The following CYP4V2 variants were observed in gnomAD, a reference collection of about 807,000 sequenced individuals.
The protein encoded by CYP4V2 is cytochrome P450 4V2.
CYP4V2 carries 55 observed loss-of-function variants against 60.8 expected under a neutral mutation model. That is an observed-to-expected ratio of 0.90 (90% confidence interval 0.73 to 1.13). The LOEUF is 1.13. CYP4V2 is among the 50% of genes most tolerant of loss of function. The pLI is 0.00. For missense variants in CYP4V2, 675 were observed against 662.9 expected, an observed-to-expected ratio of 1.02 and a Z score of -0.20; for synonymous variants, 239 against 236.8, an observed-to-expected ratio of 1.01 and a Z score of -0.08.
intron 8 of CYP4V2, among the ~76,000 whole-genome samples, chr4:186,207,369 A>T (rs1350442735): frequency 6.9e-6 from 1 of 145,054 alleles, no homozygotes; most frequent in Non-Finnish European, 1.5e-5. Flanking sequence ...CAGAGATTGC[A>T]CCACTGCATT....
In CYP4V2 at chr4:186,209,540, C is replaced by G. The variant is rs1394147622; in HGVS notation, c.1405+268C>G. Reference sequence around the variant, plus strand: ...AGCAGAAATTTATTTTCTCACAGTTCTGGAGGCTGGAAGTTCAAGAACAAG... The same window carrying G: ...AGCAGAAATTTATTTTCTCACAGTTGTGGAGGCTGGAAGTTCAAGAACAAG... On this transcript the variant is annotated intron_variant, in intron 10 of 10. Transcript: ENST00000378802. Among the ~76,000 whole-genome samples the G allele has an allele frequency of 2.0e-5, 3 of 152,186 alleles. No homozygotes were observed. The East Asian group carries it at 5.8e-4, about 29-fold the overall frequency.
Position 186,213,156 on chromosome 4 carries a change from A to G in CYP4V2, c.*2515A>G, listed in dbSNP as rs1736784268. The G allele has an allele frequency of 6.6e-6, 1 of 152,100 alleles. No individual in the cohort carries two copies. Among genetic ancestry groups the G allele is most frequent in the African/African-American group, 2.4e-5 (1 of 41,422 alleles). The allele number at this position is 152,100 out of a possible 1,614,324, so 9.4% of individuals were successfully genotyped here. A position where few individuals can be genotyped will look rare whatever the true frequency, so the allele number is the denominator to read the frequency against. ...GTCTTTCAGCTCCAGAATTATTGTT[A>G]CTCATATTTTAATCAGTAAGTCATT... On this transcript the variant is annotated 3_prime_UTR_variant, in exon 11 of 11. Transcript: ENST00000378802.
At chr4:186,199,587 G>C (rs1283778228) in intron 6 of CYP4V2, among the ~76,000 whole-genome samples, 2 of 152,140 alleles carry the variant, frequency 1.3e-5, no homozygotes, top group African/African-American at 4.8e-5. Flanking sequence ...AAGAATAAAG[G>C]AACAAAGATC....
chr4:186,201,032 T>C, intron 6 of CYP4V2, 125 bp from the exon 7 acceptor site: 2 of 990,258 alleles, frequency 2.0e-6, no homozygotes, highest in Middle Eastern at 3.0e-4. Context: ...GCCTATGTTG[T>C]CGAAATGTTG....
At chr4:186,199,659 AT>A (rs1561433223) in intron 6 of CYP4V2, among the ~76,000 whole-genome samples, 1 of 152,224 alleles carries the variant, frequency 6.6e-6, no homozygotes, top group Non-Finnish European at 1.5e-5. Flanking sequence ...GGCAGAGGGC[AT>A]TGATAGCAGT....
intron 8 of CYP4V2, among the ~76,000 whole-genome samples, chr4:186,206,821 C>G (rs987458847): frequency 2.0e-5 from 3 of 152,148 alleles, no homozygotes; most frequent in East Asian, 1.9e-4. Flanking sequence ...CCATCTAACA[C>G]TTTTGGCAAC....
chr4:186,200,208 A>T (rs1386138770), intron 6 of CYP4V2, among the ~76,000 whole-genome samples: 1 of 152,170 alleles, frequency 6.6e-6, no homozygotes, highest in Non-Finnish European at 1.5e-5. Flanking sequence ...CACCAAGAAT[A>T]AAAAAAGACA....
intron 4 of CYP4V2, 40 bp from the exon 5 acceptor site, chr4:186,197,493 T>C: frequency 6.3e-7 from 1 of 1,593,364 alleles, no homozygotes; most frequent in South Asian, 1.1e-5. Flanking sequence ...ATAACTAACG[T>C]GCGTGAATTG....
At position 186,197,021 on chromosome 4, in the gene CYP4V2, CATGA is replaced by C. The variant is rs746484929; in HGVS notation, c.501_504del (p.Glu168LysfsTer29). 2.5e-6 allele frequency: 4 copies of C among 1,613,794 alleles called. No individual in the cohort carries two copies. In the African/African-American group the frequency reaches 5.3e-5, roughly 22 times the overall value. The stretch of plus-strand genomic sequence containing the variant: ...CCATTCTGGAAGATTTCTTAGATAT[CATGA>C]ATGAACAAGCAAATATATTGGTTAA... On this transcript the variant is annotated frameshift_variant, in exon 4 of 11. Transcript: ENST00000378802. LOFTEE classifies it high-confidence loss of function.
At chr4:186,194,409 T>C in intron 1 of CYP4V2, 91 bp from the exon 2 acceptor site, 1 of 1,072,124 alleles carries the variant, frequency 9.3e-7, no homozygotes, top group Non-Finnish European at 1.4e-6. Flanking sequence ...AGAATTAGTA[T>C]ATTCATCAAA....
In CYP4V2 at chr4:186,195,729, C is replaced by T. The variant is rs559615742; in HGVS notation, c.328-274C>T. Reference sequence around the variant, plus strand: ...CTGTCCCCCTCCCCACATTAAATAACTCCACTTGGTTCCTGGTTTATGGCG... The same window carrying T: ...CTGTCCCCCTCCCCACATTAAATAATTCCACTTGGTTCCTGGTTTATGGCG... On this transcript the variant is annotated intron_variant, in intron 2 of 10. Transcript: ENST00000378802. This position sits in a 1 kb window ranked among gnomAD's most constrained non-coding sequence, Gnocchi z 4.1. Among the ~76,000 whole-genome samples, 1 of 152,310 alleles carries T rather than the reference C, an allele frequency of 6.6e-6. No homozygotes were observed. Among genetic ancestry groups the T allele is most frequent in the South Asian group, 2.1e-4 (1 of 4,826 alleles).
Position 186,209,085 on chromosome 4 carries a change from C to T in CYP4V2, c.1226-8C>T, listed in dbSNP as rs777804916. 4 of 1,614,150 alleles carry T rather than the reference C, an allele frequency of 2.5e-6. No individual in the cohort carries two copies. Among genetic ancestry groups the T allele is most frequent in the Non-Finnish European group, 3.4e-6 (4 of 1,180,032 alleles). Reference sequence around the variant, plus strand: ...CGGTCTCATAATGTATTGACTACTTCTTGACAGCAGGTTACAGAGTTCTAA... The same window carrying T: ...CGGTCTCATAATGTATTGACTACTTTTTGACAGCAGGTTACAGAGTTCTAA... On this transcript the variant is annotated splice_polypyrimidine_tract_variant and splice_region_variant and intron_variant, in intron 9 of 10. Transcript: ENST00000378802.
At chr4:186,203,262 G>A (rs1191591558) in intron 7 of CYP4V2, 1 of 152,336 alleles carries the variant, frequency 6.6e-6, no homozygotes, top group African/African-American at 2.4e-5. Flanking sequence ...ATCAGAACCA[G>A]ACTAATGATT....
chr4:186,208,808 C>G (rs1579976329), intron 8 of CYP4V2, 57 bp from the exon 9 acceptor site: 2 of 1,612,890 alleles, frequency 1.2e-6, no homozygotes, highest in East Asian at 2.2e-5. Flanking sequence ...TTTTAGATGT[C>G]TGCACCCCCA....
Position 186,194,220 on chromosome 4 carries a change from G to A in CYP4V2, c.215-280G>A, listed in dbSNP as rs184324338. On this transcript the variant is annotated intron_variant, in intron 1 of 10. Transcript: ENST00000378802. ...TGGGCAGTCGTTAGAAAGAATGCCC[G>A]TTCTGGGACATCAAAACCTAATAAT... is the stretch of plus-strand genomic sequence containing the variant. Among the ~76,000 whole-genome samples the A allele has an allele frequency of 2.3e-4, 35 of 152,232 alleles. No homozygotes were observed. In the East Asian group the frequency reaches 4.8e-3, roughly 21 times the overall value.
intron 5 of CYP4V2, 35 bp from the exon 6 acceptor site, chr4:186,198,922 A>G: frequency 6.2e-7 from 1 of 1,613,706 alleles, no homozygotes; most frequent in Non-Finnish European, 8.5e-7. Context: ...CACATTTCTG[A>G]TACAACAGCT....
chr4:186,196,552 G>C, intron 3 of CYP4V2: 1 of 291,970 alleles, frequency 3.4e-6, no homozygotes. Context: ...GAACTGGAGA[G>C]GGGAGAGATC....
In CYP4V2 at chr4:186,209,828, CAT is replaced by C. The variant is rs777267250; in HGVS notation, c.1405+558_1405+559del. ...AGACACAATTACCCATAACATAAAA[CAT>C]AATTAGCTTCATGGTAGAGTTTCAA... On this transcript the variant is annotated intron_variant, in intron 10 of 10. Transcript: ENST00000378802. 7.9e-5 allele frequency among the ~76,000 whole-genome samples: 12 copies of C among 152,294 alleles called. No individual in the cohort carries two copies. In the East Asian group the frequency reaches 2.3e-3, roughly 29 times the overall value.
At chr4:186,205,414 C>G in intron 8 of CYP4V2, 112 bp downstream of exon 8, 3 of 1,042,034 alleles carry the variant, frequency 2.9e-6, no homozygotes, top group Non-Finnish European at 4.5e-6. Context: ...GGGATCCTTT[C>G]CAGTACCATC....
Sources: allele counts gnomAD v4.1 joint callset (sites outside exome capture counted in the v4.1 genomes callset), GRCh38; gene constraint gnomAD v4.1.1; non-coding constraint Gnocchi (gnomAD v3.1); transcripts MANE v1.5; gene names NCBI Gene and HGNC (gene_info 2026-07-23, HGNC 2026-07-21).